Variants in PLEC observed in about 807,000 individuals in gnomAD.
The protein encoded by PLEC is plectin.
A neutral mutation model predicts 392.8 loss-of-function variants in PLEC; 216 were observed. That is an observed-to-expected ratio of 0.55 (90% CI 0.49 to 0.62). PLEC has a LOEUF of 0.62. PLEC is among the 20% of genes least tolerant of loss of function. The pLI is 0.00. For synonymous variants in PLEC, 3,621 were observed against 2,980.6 expected (o/e 1.21, Z -7.00); for missense variants, 6,863 against 6,563.4 (o/e 1.05, Z -1.58).
chr8:143,949,660 C>A (rs1447155067), intron 1 of PLEC, among the ~76,000 whole-genome samples: 2 of 152,224 alleles, frequency 1.3e-5, no homozygotes, highest in East Asian at 3.8e-4. Flanking sequence ...CCGTCCCCAG[C>A]CACCACCAAG....
rs1554679793 is a variant in PLEC at position 143,919,889 on chromosome 8, G to A, written c.9932C>T (p.Pro3311Leu). Reference sequence around the variant, plus strand: ...AGCCAGGAGCTCGCTGGCTGGCACAGGGGCACGGAGGCCGCTGAAGGACAG... The same window carrying A: ...AGCCAGGAGCTCGCTGGCTGGCACAAGGGCACGGAGGCCGCTGAAGGACAG... ...ERLSFSGLRA[P>L]VPASELLASG... is the part of the protein sequence containing the mutation. Residue 3311 changes from proline to leucine, a missense_variant, in exon 32 of 32, where the codon CCT (proline) becomes CTT (leucine). Pro to Leu is a moderately conservative substitution (Grantham distance 98). Coordinates refer to ENST00000345136, the MANE Select transcript of PLEC (RefSeq NM_201384.3). 2 of 1,613,108 alleles carry A rather than the reference G, an allele frequency of 1.2e-6. No homozygotes were observed. Among genetic ancestry groups the A allele is most frequent in the Non-Finnish European group, 1.7e-6 (2 of 1,180,018 alleles).
rs1313524044 is a variant in PLEC, at chr8:143,950,214, T to TGGCCA, written c.488_492dup (p.Arg165TrpfsTer90). The TGGCCA allele has an allele frequency of 1.2e-5, 18 of 1,548,710 alleles. No individual in the cohort carries two copies. In the African/African-American group the frequency reaches 2.0e-4, roughly 18 times the overall value. ...GCTGGGGCAGGCTCCGGGCCTGGCC[T>TGGCCA]GGCCAGGGTCCGCTGGGTGGTAGCA... On this transcript the variant is annotated frameshift_variant, in exon 1 of 32. Transcript: ENST00000322810. LOFTEE classifies it high-confidence loss of function.
At position 143,921,432 on chromosome 8, in the gene PLEC, T is replaced by G. The variant is rs781817290; in HGVS notation, c.8389A>C (p.Ile2797Leu). ...AGGCGGATGCCGTGCTCCCGGACGA[T>G]GAGGCCCTTCTGCATGGCTTGGAAG... is the stretch of plus-strand genomic sequence containing the variant. Reference protein sequence around the residue: ...SLFQAMQKGLIVREHGIRLLE... With the variant: ...SLFQAMQKGLLVREHGIRLLE... Residue 2797 changes from isoleucine to leucine, a missense_variant, in exon 32 of 32, where the codon ATC becomes CTC. Physicochemically the swap from Ile to Leu is conservative, Grantham distance 5. Coordinates refer to ENST00000345136, the MANE Select transcript of PLEC (RefSeq NM_201384.3). 3 of 1,613,212 alleles carry G rather than the reference T, an allele frequency of 1.9e-6. No homozygotes were observed. In the African/African-American group the frequency reaches 4.0e-5, roughly 22 times the overall value.
rs536268706 is a variant in PLEC at position 143,917,539 on chromosome 8, G to A, written c.12282C>T (p.Asn4094=). ...GCAGGTAGGTGAGGTTCTCCTCCGT[G>A]TTAGGGTCAAAGAAGCCCTTGGTGT... ...SDDTKGFFDP[N]TEENLTYLQL... The change falls in exon 32 of 32, where the codon AAC becomes AAT. Residue 4094 remains asparagine, a synonymous_variant. Transcript: ENST00000345136. 62 of 1,613,974 alleles carry A rather than the reference G, an allele frequency of 3.8e-5. No individual in the cohort carries two copies. In the South Asian group the frequency reaches 4.1e-4, roughly 11 times the overall value.
rs782255835 is a variant in PLEC at position 143,922,710 on chromosome 8, G to A, written c.7219C>T (p.Arg2407Trp). The A allele has an allele frequency of 8.7e-6, 14 of 1,612,182 alleles. No individual in the cohort carries two copies. Among genetic ancestry groups the A allele is most frequent in the African/African-American group, 2.7e-5 (2 of 75,010 alleles). Residue 2407 changes from arginine to tryptophan, a missense_variant, in exon 31 of 32, where the codon CGG (arginine) becomes TGG (tryptophan). Arg to Trp is a moderately radical substitution (Grantham distance 101). Transcript: ENST00000345136. ...ARAEEDAQRF[R>W]KQAEEIGEKL... is the part of the protein sequence containing the mutation. Reference sequence around the variant, plus strand: ...TCACCGATCTCCTCCGCCTGCTTCCGGAAGCGCTGGGCGTCCTCCTCAGCG... The same window carrying A: ...TCACCGATCTCCTCCGCCTGCTTCCAGAAGCGCTGGGCGTCCTCCTCAGCG...
In PLEC at chr8:143,931,551, G is replaced by C; in HGVS notation, c.2287C>G (p.Leu763Val). 6.3e-7 allele frequency: 1 copy of C among 1,593,260 alleles called. No individual in the cohort carries two copies. The highest frequency in any genetic ancestry group is 8.5e-7 in the Non-Finnish European group (1 of 1,170,028). The change falls in exon 19 of 32, where the codon CTG becomes GTG. Residue 763 changes from leucine (L) to valine (V), a missense_variant. Physicochemically the swap from Leu to Val is conservative, Grantham distance 32. Coordinates refer to ENST00000345136, the MANE Select transcript of PLEC (RefSeq NM_201384.3). ...TCCCTCACCTGGGCATCCTGCAGCA[G>C]GTCCTCCAGCCGGGTGACGGTGGCG... ...RSATVTRLED[L>V]LQDAQDEKEQ... is the part of the protein sequence containing the mutation.
Position 143,932,385 on chromosome 8 carries a change from T to A in PLEC, c.1977+15A>T. 1 of 1,612,498 alleles carries A rather than the reference T, an allele frequency of 6.2e-7. No individual in the cohort carries two copies. Among genetic ancestry groups the A allele is most frequent in the Non-Finnish European group, 8.5e-7 (1 of 1,179,928 alleles). On this transcript the variant is annotated intron_variant, in intron 16 of 31. Coordinates refer to ENST00000345136, the MANE Select transcript of PLEC (RefSeq NM_201384.3). ...AGGGGGCTGTGGGGTTCAGGGCAGC[T>A]GGGCCACCGCTCACCGAGTAGCTCT...
At chr8:143,942,128 C>T (rs1273461071), upstream of PLEC, among the ~76,000 whole-genome samples, 1 of 152,126 alleles carries the variant, frequency 6.6e-6, no homozygotes, top group Non-Finnish European at 1.5e-5. Context: ...CCCAGGCTGA[C>T]GTGGAACAGC....
chr8:143,923,715 C>A lies in PLEC; in HGVS notation c.6214G>T (p.Glu2072Ter). ...CGCAGCTGGTCCAGCACGCTCTGCT[C>A]CTGCTGCAGCGTCTGCTGTAGCTCC... Reference protein sequence around the residue: ...EQELQQTLQQEQSVLDQLRGE... With the variant: ...EQELQQTLQQ Residue 2072 changes from glutamate to a stop codon, truncating the protein, a stop_gained, in exon 31 of 32, where the codon GAG becomes TAG. Transcript: ENST00000345136. LOFTEE classifies it high-confidence loss of function. 1 of 1,544,506 alleles carries A rather than the reference C, an allele frequency of 6.5e-7. No individual in the cohort carries two copies. Among genetic ancestry groups the A allele is most frequent in the South Asian group, 1.2e-5 (1 of 85,242 alleles).
chr8:143,934,075 G>A lies in PLEC; in HGVS notation c.1186C>T (p.Arg396Cys), dbSNP rs782704685. The A allele has an allele frequency of 5.0e-6, 8 of 1,611,520 alleles. No homozygotes were observed. The highest frequency in any genetic ancestry group is 2.2e-5 in the East Asian group (1 of 44,778). The change falls in exon 12 of 32, where the codon CGC (arginine) becomes TGC (cysteine). Residue 396 changes from arginine (R) to cysteine (C), a missense_variant. Coordinates refer to ENST00000345136, the MANE Select transcript of PLEC (RefSeq NM_201384.3). The stretch of plus-strand genomic sequence containing the variant: ...TCCATCTGCAGCTTGGTCACGATGC[G>A]CTGAAGACACTCCAGCCTGCAGCAG... ...SEFERLECLQ[R>C]IVTKLQMEAG...
upstream of PLEC, chr8:143,942,377 C>T (rs1554729294): frequency 3.7e-6 from 6 of 1,601,350 alleles, no homozygotes; most frequent in South Asian, 3.3e-5. Context: ...CCACCGGCCA[C>T]GCCACTGCAC....
intron 1 of PLEC, among the ~76,000 whole-genome samples, chr8:143,971,024 C>T (rs981783929): frequency 6.6e-6 from 1 of 152,212 alleles, no homozygotes; most frequent in Non-Finnish European, 1.5e-5. Context: ...CTGAGGGGCT[C>T]AGGCAGACAG....
upstream of PLEC, among the ~76,000 whole-genome samples, chr8:143,942,057 G>A (rs1167447350): frequency 2.0e-5 from 3 of 152,116 alleles, no homozygotes; most frequent in African/African-American, 7.2e-5. Flanking sequence ...TCCACAGAAG[G>A]CCTGGAGCCC....
upstream of PLEC, among the ~76,000 whole-genome samples, chr8:143,955,420 G>A (rs1038598171): frequency 1.3e-5 from 2 of 152,178 alleles, no homozygotes; most frequent in Non-Finnish European, 2.9e-5. Context: ...GGCTGAGGTT[G>A]CAGTGAGCCG....
At chr8:143,972,879 C>T (rs1833500727) in intron 1 of PLEC, among the ~76,000 whole-genome samples, 1 of 152,200 alleles carries the variant, frequency 6.6e-6, no homozygotes, top group African/African-American at 2.4e-5. Context: ...ACCCTGACCC[C>T]TAGCCCACAG....
At chr8:143,975,297 G>A, upstream of PLEC, 1 of 1,610,492 alleles carries the variant, frequency 6.2e-7, no homozygotes, top group Non-Finnish European at 8.5e-7. This position sits in a 1 kb window ranked among gnomAD's most constrained non-coding sequence, Gnocchi z 9.9. Flanking sequence ...GTGTCCCCAG[G>A]GCTGGGCGAG....
rs960253843 is a variant in PLEC at position 143,916,227 on chromosome 8, C to T, written c.13594G>A (p.Ala4532Thr). The T allele has an allele frequency of 5.9e-5, 91 of 1,546,536 alleles. No individual in the cohort carries two copies. The highest frequency in any genetic ancestry group is 5.8e-5 in the Non-Finnish European group (67 of 1,145,608). ...YSSSGYGRRY[A>T]SGSSASLGGP... is the part of the protein sequence containing the mutation. The stretch of plus-strand genomic sequence containing the variant: ...CCCAGGGAGGCCGAGGACCCCGAGG[C>T]GTAGCGGCGGCCGTAGCCCGAGGAG... The change falls in exon 32 of 32, where the codon GCC (alanine) becomes ACC (threonine). Residue 4532 changes from alanine to threonine, a missense_variant. Transcript: ENST00000345136.
rs139090581 is a variant in PLEC at position 143,939,561 on chromosome 8, G to A, written c.-100C>T. On this transcript the variant is annotated 5_prime_UTR_variant, in exon 1 of 32. Coordinates refer to ENST00000345136, the MANE Select transcript of PLEC (RefSeq NM_201384.3). ...GGCAGCTGAAGGCTGGCGGCCCCAC[G>A]AGACGCTCACTCGGCACAGGCTCAG... 14,641 of 1,530,366 alleles carry A rather than the reference G, an allele frequency of 9.6e-3. 99 individuals are homozygous for A. Among genetic ancestry groups the A allele is most frequent in the Non-Finnish European group, 0.012 (13,264 of 1,141,088 alleles). 94.8% of individuals were successfully genotyped at this position (1,530,366 alleles called of 1,614,324 possible). A position where few individuals can be genotyped will look rare whatever the true frequency, so the allele number is the denominator to read the frequency against.
At chr8:143,933,688 TG>T (rs1564139519) in intron 12 of PLEC, among the ~76,000 whole-genome samples, 1 of 152,110 alleles carries the variant, frequency 6.6e-6, no homozygotes, top group African/African-American at 2.4e-5. Flanking sequence ...AGCAGTGGGT[TG>T]GGCCCTCCCC....
Sources: gnomAD v4.1 joint callset for allele counts (sites outside exome capture counted in the v4.1 genomes callset) on GRCh38, gnomAD v4.1.1 for gene constraint, Gnocchi (gnomAD v3.1) non-coding constraint, MANE v1.5 for transcripts, NCBI Gene and HGNC (gene_info 2026-07-23, HGNC 2026-07-21) for gene names.